OFD1: variants seen among roughly 807,000 people sequenced by gnomAD.
OFD1 encodes the protein OFD1 centriole and centriolar satellite protein, also known as centriole and centriolar satellite protein OFD1.
Under a neutral mutation model 81.4 loss-of-function variants are expected in OFD1, and 12 were observed. The observed-to-expected ratio is 0.15, with a 90% CI of 0.09 to 0.24. The LOEUF (loss-of-function observed/expected upper bound fraction) is 0.24. Ranked by LOEUF, OFD1 falls within the 10% of genes least tolerant of loss-of-function variation. The probability of loss-of-function intolerance (pLI) is 1.00; values close to 1 mark genes in which losing one functional copy is unlikely to be tolerated. For synonymous variants in OFD1, 256 were observed against 263.7 expected (o/e 0.97, Z 0.28); for missense variants, 685 against 733.9 (o/e 0.93, Z 0.77).
chrX:13,768,822 G>A (rs762471348), intron 22 of OFD1, 37 bp downstream of exon 22: 66 of 1,075,729 alleles, frequency 6.1e-5, no homozygotes, highest in Non-Finnish European at 1.6e-5. Flanking sequence ...TACACAAACT[G>A]TTAATTGCTT....
chrX:13,746,674 T>C, intron 7 of OFD1, 106 bp from the exon 8 acceptor site: 1 of 696,601 alleles, frequency 1.4e-6, no homozygotes, highest in South Asian at 2.6e-5. Context: ...GAAATAAATA[T>C]ATTTGGACAG....
intron 5 of OFD1, chrX:13,739,801 T>G: frequency 1.3e-6 from 1 of 751,233 alleles, no homozygotes; most frequent in South Asian, 6.7e-5. Flanking sequence ...AATTTTGGCC[T>G]TGATAATAGC....
At chrX:13,725,924 G>A in the OFD1 span, among the ~76,000 whole-genome samples, 1 of 111,573 alleles carries the variant, frequency 9.0e-6, no homozygotes, top group African/African-American at 3.3e-5. Flanking sequence ...ATGACCTGAG[G>A]GAGCTAAAAA....
Position 13,760,664 on chromosome X carries a change from C to T in OFD1, c.2204C>T (p.Ser735Phe), listed in dbSNP as rs770976622. The change falls in exon 16 of 23, where the codon TCT (serine) becomes TTT (phenylalanine). Residue 735 changes from serine (S) to phenylalanine (F), a missense_variant. Physicochemically the swap from Ser to Phe is radical, Grantham distance 155. Transcript: ENST00000340096. ...GGGGGCACTTCCTCCAGACGCCTCT[C>T]TTCCACACCCCTTCCAAAAGCAAAA... is the stretch of plus-strand genomic sequence containing the variant. ...LRGGTSSRRL[S>F]STPLPKAKRS... is the part of the protein sequence containing the mutation. 1 of 1,211,572 alleles carries T rather than the reference C, an allele frequency of 8.3e-7. No individual in the cohort carries two copies. Among genetic ancestry groups the T allele is most frequent in the Non-Finnish European group, 1.1e-6 (1 of 895,284 alleles).
rs778940649 is a variant in OFD1 at position 13,758,327 on chromosome X, A to G, written c.1543-10A>G. The G allele has an allele frequency of 1.8e-6, 2 of 1,125,446 alleles. No individual in the cohort carries two copies. The highest frequency in any genetic ancestry group is 6.0e-5 in the East Asian group (2 of 33,475). 92.7% of individuals were successfully genotyped at this position (1,125,446 alleles called of 1,213,427 possible). A position where few individuals can be genotyped will look rare whatever the true frequency, so the allele number is the denominator to read the frequency against. ...ACATTGATTTCTTTTCCTATTCTGA[A>G]TCTTTTCAGATTGAGCATTCTGCAC... On this transcript the variant is annotated splice_polypyrimidine_tract_variant and intron_variant, in intron 14 of 22. Coordinates refer to ENST00000340096, the MANE Select transcript of OFD1 (RefSeq NM_003611.3).
the OFD1 span, among the ~76,000 whole-genome samples, chrX:13,724,048 TGAAG>T: frequency 9.0e-6 from 1 of 110,517 alleles, no homozygotes; most frequent in African/African-American, 3.3e-5. Flanking sequence ...GCTTTGAAAA[TGAAG>T]GAAGGGGCCA....
Position 13,739,283 on chromosome X carries a change from G to T in OFD1, c.412+251G>T, listed in dbSNP as rs180923501. 5.7e-4 allele frequency: 163 copies of T among 287,306 alleles called. 1 individual carries two copies. In the East Asian group the frequency reaches 7.9e-3, roughly 14 times the overall value. The allele number at this position is 287,306 out of a possible 1,213,427, so 23.7% of individuals were successfully genotyped here. A position where few individuals can be genotyped will look rare whatever the true frequency, so the allele number is the denominator to read the frequency against. ...ACTGTTTGTAAAAATACCCACTGTT[G>T]GGAATATTTCTGCAAAAAAAAAAAA... On this transcript the variant is annotated intron_variant, in intron 5 of 22. Transcript: ENST00000340096.
intron 12 of OFD1, among the ~76,000 whole-genome samples, chrX:13,755,741 T>C (rs2047676453): frequency 9.0e-6 from 1 of 111,729 alleles, no homozygotes; most frequent in South Asian, 3.7e-4. Flanking sequence ...TCATTGCTTC[T>C]TTACTTTTCT....
Position 13,751,274 on chromosome X carries a change from C to T in OFD1, c.961C>T (p.His321Tyr), listed in dbSNP as rs1298873776. Reference sequence around the variant, plus strand: ...GAACCAGAAGCTCCAGGAAGAAAAACATAAAAGCATAACTGAGGCACTTAG... The same window carrying T: ...GAACCAGAAGCTCCAGGAAGAAAAATATAAAAGCATAACTGAGGCACTTAG... ...ELNQKLQEEK[H>Y]KSITEALRRQ... The change falls in exon 10 of 23, where the codon CAT (histidine) becomes TAT (tyrosine). Residue 321 changes from histidine to tyrosine, a missense_variant. By Grantham distance (83) the His-to-Tyr change is moderately conservative (BLOSUM62 2). Around this residue, in one of 3 missense-constraint regions of OFD1, gnomAD observed 414 missense variants for 447.2 expected, o/e 0.93. Transcript: ENST00000340096. 3 of 1,204,859 alleles carry T rather than the reference C, an allele frequency of 2.5e-6. No homozygotes were observed. Among genetic ancestry groups the T allele is most frequent in the African/African-American group, 3.5e-5 (2 of 56,917 alleles).
At chrX:13,751,100 T>C in intron 9 of OFD1, 149 bp from the exon 10 acceptor site, 1 of 499,933 alleles carries the variant, frequency 2.0e-6, no homozygotes, top group Non-Finnish European at 3.3e-6. Context: ...TAAAATACAC[T>C]GAGGACTTCT....
intron 9 of OFD1, among the ~76,000 whole-genome samples, chrX:13,750,882 G>A (rs1284213647): frequency 1.8e-5 from 2 of 112,430 alleles, no homozygotes; most frequent in East Asian, 2.8e-4. Context: ...GAAGATTTAA[G>A]CACATAAGTA....
intron 22 of OFD1, 58 bp from the exon 23 acceptor site, chrX:13,769,008 T>C (rs1254568034): frequency 2.1e-6 from 2 of 935,815 alleles, no homozygotes; most frequent in East Asian, 3.1e-5. Context: ...ATTATGAAGA[T>C]AGCAAATAAA....
upstream of OFD1, among the ~76,000 whole-genome samples, chrX:13,733,099 G>A (rs1314664787): frequency 9.0e-6 from 1 of 111,567 alleles, no homozygotes; most frequent in African/African-American, 3.3e-5. Context: ...GTATTCAACT[G>A]TGGGACCAAA....
intron 20 of OFD1, 141 bp downstream of exon 20, chrX:13,767,425 C>G: frequency 1.7e-6 from 1 of 587,508 alleles, no homozygotes; most frequent in Non-Finnish European, 2.9e-6. Context: ...CTGTCCTCTC[C>G]TTGTCTTAAA....
chrX:13,733,293 A>G (rs1378763284), upstream of OFD1, among the ~76,000 whole-genome samples: 1 of 111,729 alleles, frequency 9.0e-6, no homozygotes. Context: ...CAAGATTCCC[A>G]CATTGCTCCA....
intron 2 of OFD1, chrX:13,736,202 G>A: frequency 5.4e-6 from 5 of 921,294 alleles, no homozygotes; most frequent in Non-Finnish European, 6.7e-6. Flanking sequence ...GTGAAGTTAT[G>A]AGTCTGCAAG....
At chrX:13,748,108 C>T (rs1340346476) in intron 8 of OFD1, among the ~76,000 whole-genome samples, 1 of 112,144 alleles carries the variant, frequency 8.9e-6, no homozygotes, top group Non-Finnish European at 1.9e-5. Context: ...AGGGCACCCC[C>T]TCTAAAATTT....
chrX:13,736,299 A>G, intron 2 of OFD1, 179 bp from the exon 3 acceptor site: 1 of 1,064,107 alleles, frequency 9.4e-7, no homozygotes, highest in Non-Finnish European at 1.2e-6. Flanking sequence ...CTCACGGGGT[A>G]AGACAAAGTG....
chrX:13,724,162 A>C, the OFD1 span, among the ~76,000 whole-genome samples: 1 of 111,181 alleles, frequency 9.0e-6, no homozygotes, highest in Non-Finnish European at 1.9e-5. Flanking sequence ...CTTGTGGTGG[A>C]AACAGCAGCT....
Sources: gnomAD v4.1 joint callset for allele counts (sites outside exome capture counted in the v4.1 genomes callset) on GRCh38, gnomAD v4.1.1 for gene constraint, gnomAD v4.1.1 regional missense constraint, MANE v1.5 for transcripts, NCBI Gene and HGNC (gene_info 2026-07-23, HGNC 2026-07-21) for gene names.